The following CNGA1 variants were observed in gnomAD, a reference collection of about 807,000 sequenced individuals.
CNGA1 encodes cyclic nucleotide gated channel subunit alpha 1, also known as cyclic nucleotide-gated channel alpha-1.
Under a neutral mutation model 69.7 loss-of-function variants are expected in CNGA1, and 53 were observed. The ratio of observed to expected loss-of-function variants is 0.76; its 90% CI spans 0.61 to 0.96. The LOEUF is 0.96. Among genes scored for constraint, CNGA1 ranks in the 40% least tolerant of loss-of-function variants. The pLI, the probability that CNGA1 is intolerant of heterozygous loss-of-function variation, is 0.00. For missense variants in CNGA1, 739 were observed against 811.2 expected (o/e 0.91, Z 1.08); for synonymous variants, 249 against 283.5 (o/e 0.88, Z 1.22).
intron 2 of CNGA1, among the ~76,000 whole-genome samples, chr4:47,985,220 A>C (rs1403080430): frequency 6.6e-6 from 1 of 152,228 alleles, no homozygotes; most frequent in Non-Finnish European, 1.5e-5. Flanking sequence ...TATCAATTTT[A>C]AAAAGACAAA....
At chr4:47,971,217 T>G (rs7677851) in intron 3 of CNGA1, 211,404 of 324,938 alleles carry the variant, frequency 0.65, 69,672 homozygotes, top group Non-Finnish European at 0.68. Context: ...AAAGGAGTGG[T>G]GAGAATCTCT....
chr4:47,990,571 C>A (rs887941416), intron 2 of CNGA1, among the ~76,000 whole-genome samples: 1 of 152,136 alleles, frequency 6.6e-6, no homozygotes, highest in Non-Finnish European at 1.5e-5. Context: ...GCCTTGTGAT[C>A]TTTATTGCCC....
chr4:48,004,015 C>T (rs910716249), intron 2 of CNGA1, among the ~76,000 whole-genome samples: 4 of 152,234 alleles, frequency 2.6e-5, no homozygotes, highest in Non-Finnish European at 5.9e-5. Flanking sequence ...TGATGCTGTG[C>T]TTCAGTGGTC....
At chr4:48,012,463 G>C (rs13151608) in intron 1 of CNGA1, among the ~76,000 whole-genome samples, 21,476 of 151,346 alleles carry the variant, frequency 0.14, 1,783 homozygotes, top group Middle Eastern at 0.24. Context: ...TAACAAAAAG[G>C]GTGGTGTTAT....
At position 47,936,879 on chromosome 4, in the gene CNGA1, T is replaced by C; in HGVS notation, c.1603A>G (p.Ser535Gly). 6.2e-7 allele frequency: 1 copy of C among 1,614,122 alleles called. No homozygotes were observed. Among genetic ancestry groups the C allele is most frequent in the East Asian group, 2.2e-5 (1 of 44,884 alleles). ...ATCTCACCGAAGTAGCTGCCATCGC[T>C]CAATACCACAAACTGAGTGACTCCA... ...DDGVTQFVVL[S>G]DGSYFGEISI... The change falls in exon 11 of 11, where the codon AGC (serine) becomes GGC (glycine). Residue 535 changes from serine (S) to glycine (G), a missense_variant. Transcript: ENST00000514170.
intron 1 of CNGA1, among the ~76,000 whole-genome samples, chr4:48,016,184 G>C (rs186273452): frequency 5.3e-5 from 8 of 152,312 alleles, no homozygotes; most frequent in African/African-American, 1.9e-4. Context: ...GGCAGGGTAG[G>C]GGGAGTTGCC....
chr4:47,977,008 C>T (rs1284765988), intron 3 of CNGA1, among the ~76,000 whole-genome samples: 1 of 152,008 alleles, frequency 6.6e-6, no homozygotes, highest in Non-Finnish European at 1.5e-5. Flanking sequence ...TAGGAGTTTG[C>T]GACAGTAGAG....
chr4:47,957,304 A>G (rs928789804), intron 3 of CNGA1, among the ~76,000 whole-genome samples: 2 of 152,078 alleles, frequency 1.3e-5, no homozygotes, highest in Non-Finnish European at 2.9e-5. Context: ...ATATTCATGG[A>G]TCTTTTACTG....
chr4:47,971,186 G>GTA (rs1741002656), intron 3 of CNGA1: 1 of 404,238 alleles, frequency 2.5e-6, no homozygotes, highest in African/African-American at 2.1e-5. Flanking sequence ...GTGTGTGTGT[G>GTA]TGTGTGTGTG....
intron 2 of CNGA1, among the ~76,000 whole-genome samples, chr4:48,004,776 T>C (rs1356209913): frequency 2.0e-5 from 3 of 152,156 alleles, no homozygotes; most frequent in African/African-American, 4.8e-5. Context: ...AGGTTGTTGT[T>C]ATTTTCTTCT....
rs531523052 is a variant in CNGA1, at chr4:47,981,671, C to G, written c.-122-171G>C. The G allele has an allele frequency of 1.6e-4, 25 of 152,202 alleles. 1 individual carries two copies. The highest frequency in any genetic ancestry group is 5.8e-4 in the African/African-American group (24 of 41,534). The allele number at this position is 152,202 out of a possible 1,614,324, so 9.4% of individuals were successfully genotyped here. On this transcript the variant is annotated intron_variant, in intron 2 of 10. Transcript: ENST00000514170. ...CGGATTTACACATGGATGAAAATAA[C>G]AGCAACATCATTATCCTTTGCTTGA...
chr4:47,977,879 T>A (rs533359623), intron 3 of CNGA1, among the ~76,000 whole-genome samples: 4 of 151,562 alleles, frequency 2.6e-5, no homozygotes, highest in Admixed American at 1.3e-4. Context: ...CAGGCTGGAG[T>A]GCAATGGCAC....
chr4:47,956,357 C>T (rs1193609543), intron 3 of CNGA1, among the ~76,000 whole-genome samples: 1 of 152,168 alleles, frequency 6.6e-6, no homozygotes, highest in Non-Finnish European at 1.5e-5. Flanking sequence ...ACTGTTGTGC[C>T]AGGTGCAGTG....
At chr4:48,005,136 G>A (rs1330116621) in intron 2 of CNGA1, among the ~76,000 whole-genome samples, 2 of 88,630 alleles carry the variant, frequency 2.3e-5, no homozygotes, top group African/African-American at 8.6e-5. Flanking sequence ...TTATTTATTT[G>A]AGATGGAGTC....
intron 6 of CNGA1, among the ~76,000 whole-genome samples, chr4:47,946,311 G>A (rs1739395404): frequency 6.6e-6 from 1 of 152,164 alleles, no homozygotes; most frequent in Non-Finnish European, 1.5e-5. Context: ...TGTCATATGT[G>A]GAAAACAATG....
intron 5 of CNGA1, among the ~76,000 whole-genome samples, chr4:47,950,964 G>A (rs928910059): frequency 1.3e-5 from 2 of 152,166 alleles, no homozygotes; most frequent in Non-Finnish European, 2.9e-5. Context: ...AATCAGAAAG[G>A]ACTGGGTTTC....
At chr4:47,982,152 T>C (rs1329916596) in intron 2 of CNGA1, among the ~76,000 whole-genome samples, 6 of 152,226 alleles carry the variant, frequency 3.9e-5, no homozygotes, top group Non-Finnish European at 8.8e-5. Flanking sequence ...AACTCTTTTA[T>C]GCAATATATG....
chr4:48,008,405 A>G (rs967232033), intron 2 of CNGA1, among the ~76,000 whole-genome samples: 2 of 151,998 alleles, frequency 1.3e-5, no homozygotes, highest in African/African-American at 4.8e-5. Context: ...CATCTCTCTT[A>G]TTTCCTGGCT....
chr4:47,987,426 A>G (rs1742022593), intron 2 of CNGA1, among the ~76,000 whole-genome samples: 1 of 152,086 alleles, frequency 6.6e-6, no homozygotes, highest in Admixed American at 6.6e-5. Context: ...GTTTATATCT[A>G]TTTCCCCTGT....
Sources: allele counts gnomAD v4.1 joint callset (sites outside exome capture counted in the v4.1 genomes callset), GRCh38; gene constraint gnomAD v4.1.1; transcripts MANE v1.5; gene names NCBI Gene and HGNC (gene_info 2026-07-23, HGNC 2026-07-21).